KCTD3: variants seen among roughly 807,000 people sequenced by gnomAD.
KCTD3 encodes the protein potassium channel tetramerization domain containing 3, also known as BTB/POZ domain-containing protein KCTD3.
Under a neutral mutation model 85.8 loss-of-function variants are expected in KCTD3, and 41 were observed. The ratio of observed to expected loss-of-function variants is 0.48; its 90% CI spans 0.37 to 0.62. The LOEUF is 0.62. Among genes scored for constraint, KCTD3 ranks in the 20% least tolerant of loss-of-function variants. The pLI is 0.00. For synonymous variants in KCTD3, 338 were observed against 345.4 expected (o/e 0.98, Z 0.24); for missense variants, 724 against 989.9 (o/e 0.73, Z 3.60).
chr1:215,567,816 C>T, intron 1 of KCTD3, 48 bp downstream of exon 1: 1 of 1,167,796 alleles, frequency 8.6e-7, no homozygotes, highest in East Asian at 3.2e-5. Context: ...TTGGCGGCCT[C>T]CTCCTTTGGT....
rs1401175329 is a variant in KCTD3 at position 215,586,476 on chromosome 1, G to C, written c.627-19G>C. ...CATTGCTGCTGAGTCTACCTTATGT[G>C]CCTGTTCTTCCTTAACAGAATCAAA... On this transcript the variant is annotated intron_variant, in intron 8 of 17. Transcript: ENST00000259154. 6.3e-7 allele frequency: 1 copy of C among 1,594,242 alleles called. No homozygotes were observed. The highest frequency in any genetic ancestry group is 1.1e-5 in the South Asian group (1 of 87,910).
Position 215,620,098 on chromosome 1 carries a change from C to G in KCTD3, c.1928C>G (p.Thr643Ser). ...CATGATACCACCCATGAAGCAGCTACTTACGGTTCCATGAGGCCTTACAGA... is the reference window on the plus strand; with the variant it reads ...CATGATACCACCCATGAAGCAGCTAGTTACGGTTCCATGAGGCCTTACAGA... Reference protein sequence around the residue: ...QHHDTTHEAATYGSMRPYRES... With the variant: ...QHHDTTHEAASYGSMRPYRES... Residue 643 changes from threonine to serine, a missense_variant, in exon 18 of 18, where the codon ACT becomes AGT. This residue lies in a region of KCTD3 where 222 missense variants were observed against 217.7 expected (regional missense o/e 1.02). Transcript: ENST00000259154. 6.2e-7 allele frequency: 1 copy of G among 1,610,472 alleles called. No individual in the cohort carries two copies. Among genetic ancestry groups the G allele is most frequent in the Admixed American group, 1.7e-5 (1 of 59,270 alleles).
intron 14 of KCTD3, among the ~76,000 whole-genome samples, chr1:215,610,832 A>G (rs1322436666): frequency 1.3e-5 from 2 of 151,932 alleles, no homozygotes; most frequent in African/African-American, 4.8e-5. Context: ...TATTATGGTG[A>G]TTAAAATGAG....
At chr1:215,608,344 A>G (rs1655109934) in intron 14 of KCTD3, among the ~76,000 whole-genome samples, 172 bp downstream of exon 14, 1 of 151,948 alleles carries the variant, frequency 6.6e-6, no homozygotes, top group Non-Finnish European at 1.5e-5. Context: ...TAAATTCACA[A>G]AATTATTTTA....
In KCTD3 at chr1:215,574,094, A is replaced by T. The variant is rs770685676; in HGVS notation, c.159A>T (p.Ser53=). 1.4e-5 allele frequency: 23 copies of T among 1,588,546 alleles called. No homozygotes were observed. The African/African-American group carries it at 3.1e-4, about 21-fold the overall frequency. The part of the protein sequence containing the change: ...FFSSLLSGRI[S]TLRDETGAIF... ...CCAGTTTGCTGAGTGGGAGAATTTCAACACTTCGAGATGAAACTGGTGCTG... is the reference window on the plus strand; with the variant it reads ...CCAGTTTGCTGAGTGGGAGAATTTCTACACTTCGAGATGAAACTGGTGCTG... The change falls in exon 3 of 18, where the codon TCA becomes TCT. Residue 53 remains serine (S), a synonymous_variant. Coordinates refer to ENST00000259154, the MANE Select transcript of KCTD3 (RefSeq NM_016121.5).
At chr1:215,571,821 C>T (rs1198663631) in intron 1 of KCTD3, among the ~76,000 whole-genome samples, 4 of 152,042 alleles carry the variant, frequency 2.6e-5, no homozygotes, top group African/African-American at 7.2e-5. Flanking sequence ...TTAGTAGAGA[C>T]GGGGTTTCAC....
At chr1:215,604,657 AT>A (rs79700903) in intron 13 of KCTD3, among the ~76,000 whole-genome samples, 3,363 of 132,566 alleles carry the variant, frequency 0.025, 76 homozygotes, top group African/African-American at 0.071. Flanking sequence ...AGGAGATGTG[AT>A]TTTTTTTTTT....
chr1:215,619,988 A>G, intron 17 of KCTD3, 69 bp from the exon 18 acceptor site: 4 of 1,169,322 alleles, frequency 3.4e-6, no homozygotes, highest in Non-Finnish European at 4.8e-6. Context: ...TATTGGTTGT[A>G]TAATTAATAT....
chr1:215,605,390 TC>T (rs1654975991), intron 13 of KCTD3, among the ~76,000 whole-genome samples: 2 of 152,162 alleles, frequency 1.3e-5, no homozygotes, highest in Admixed American at 1.3e-4. Flanking sequence ...AAAACATTAC[TC>T]CCCTGCCCCA....
chr1:215,599,892 G>GAAA (rs200797797), intron 10 of KCTD3, among the ~76,000 whole-genome samples: 1 of 85,146 alleles, frequency 1.2e-5, no homozygotes, highest in Non-Finnish European at 2.4e-5. Flanking sequence ...CTCTTTCATT[G>GAAA]AAAAAAAAAA....
intron 10 of KCTD3, among the ~76,000 whole-genome samples, chr1:215,597,495 G>A (rs1266541384): frequency 6.6e-6 from 1 of 152,154 alleles, no homozygotes; most frequent in East Asian, 1.9e-4. Context: ...AGCTTTGGAA[G>A]TTGGCTCTAG....
intron 1 of KCTD3, among the ~76,000 whole-genome samples, chr1:215,570,147 T>C (rs1659307151): frequency 6.6e-6 from 1 of 151,780 alleles, no homozygotes; most frequent in Admixed American, 6.6e-5. Flanking sequence ...TGCTGTGGCA[T>C]AGAATTGAAG....
At chr1:215,584,637 C>T (rs1024615678) in intron 8 of KCTD3, among the ~76,000 whole-genome samples, 4 of 152,082 alleles carry the variant, frequency 2.6e-5, no homozygotes, top group African/African-American at 9.7e-5. Context: ...GTACAGGGAC[C>T]GTGTAGACAA....
intron 10 of KCTD3, among the ~76,000 whole-genome samples, chr1:215,598,577 A>G (rs1342640461): frequency 1.3e-5 from 2 of 152,224 alleles, no homozygotes; most frequent in Non-Finnish European, 2.9e-5. Flanking sequence ...GTCATTAAAC[A>G]AGAAAAAATT....
chr1:215,594,784 A>G (rs1324416733), intron 9 of KCTD3, among the ~76,000 whole-genome samples: 1 of 152,144 alleles, frequency 6.6e-6, no homozygotes, highest in Non-Finnish European at 1.5e-5. Flanking sequence ...ATGGGGTTTA[A>G]AAATAAGCTC....
At chr1:215,579,751 G>A (rs564992356) in intron 7 of KCTD3, among the ~76,000 whole-genome samples, 158 bp from the exon 8 acceptor site, 128 of 152,230 alleles carry the variant, frequency 8.4e-4, no homozygotes, top group African/African-American at 2.7e-3. Context: ...GCCCGCCTCG[G>A]CCTCCCAAAG....
chr1:215,595,553 C>A, intron 10 of KCTD3, 82 bp downstream of exon 10: 1 of 860,798 alleles, frequency 1.2e-6, no homozygotes, highest in Middle Eastern at 2.3e-4. Flanking sequence ...TTGTAGAATT[C>A]GTACTGTTTC....
rs1654799718 is a variant in KCTD3, at chr1:215,600,770, G to GA, written c.934-1094dup. Among the ~76,000 whole-genome samples, 4 of 151,664 alleles carry GA rather than the reference G, an allele frequency of 2.6e-5. No homozygotes were observed. In the South Asian group the frequency reaches 8.3e-4, roughly 31 times the overall value. On this transcript the variant is annotated intron_variant, in intron 10 of 17. Coordinates refer to ENST00000259154, the MANE Select transcript of KCTD3 (RefSeq NM_016121.5). ...AACATTTTTAACTTTTAAATTATTG[G>GA]AAATCTTTTAGACTTGTATGCAAAA... is the stretch of plus-strand genomic sequence containing the variant.
At chr1:215,611,509 G>A (rs115727754) in intron 14 of KCTD3, among the ~76,000 whole-genome samples, 3,251 of 152,028 alleles carry the variant, frequency 0.021, 105 homozygotes, top group African/African-American at 0.072. Context: ...CATCCCCAAA[G>A]ATAGTAAATA....
Sources: allele counts gnomAD v4.1 joint callset (sites outside exome capture counted in the v4.1 genomes callset), GRCh38; gene constraint gnomAD v4.1.1; regional missense constraint gnomAD v4.1.1; transcripts MANE v1.5; gene names NCBI Gene and HGNC (gene_info 2026-07-23, HGNC 2026-07-21).